MAP4: variants seen among roughly 807,000 people sequenced by gnomAD.
MAP4 encodes microtubule-associated protein 4.
A neutral mutation model predicts 170.2 loss-of-function variants in MAP4; 76 were observed. The observed-to-expected ratio is 0.45, with a 90% CI of 0.37 to 0.54. The LOEUF is 0.54. MAP4 is among the 20% of genes least tolerant of loss of function. The pLI is 0.00. For synonymous variants in MAP4, 909 were observed against 994.5 expected (o/e 0.91, Z 1.62); for missense variants, 2,506 against 2,748.0 (o/e 0.91, Z 1.97).
intron 17 of MAP4, 95 bp downstream of exon 17, chr3:47,867,151 C>T: frequency 1.2e-6 from 1 of 847,694 alleles, no homozygotes; most frequent in Non-Finnish European, 1.9e-6. Context: ...GCTCAGGTCA[C>T]TGGGATTCTA....
Position 47,852,531 on chromosome 3 carries a change from C to G in MAP4, c.*403G>C. On this transcript the variant is annotated 3_prime_UTR_variant, in exon 21 of 21. Coordinates refer to ENST00000683076, the MANE Select transcript of MAP4 (RefSeq NM_001385682.1). ...CATGTCAGTTTCTTTTGGGTTTGGACCAAAGAACCAAAAAAAGATGAGGAT... is the reference window on the plus strand; with the variant it reads ...CATGTCAGTTTCTTTTGGGTTTGGAGCAAAGAACCAAAAAAAGATGAGGAT... 2.0e-6 allele frequency: 1 copy of G among 495,248 alleles called. No individual in the cohort carries two copies. Among genetic ancestry groups the G allele is most frequent in the Non-Finnish European group, 3.5e-6 (1 of 283,076 alleles). The allele number at this position is 495,248 out of a possible 1,614,324, so 30.7% of individuals were successfully genotyped here.
At position 47,881,495 on chromosome 3, in the gene MAP4, T is replaced by TATATGCA. The variant is rs1553753057; in HGVS notation, c.5435-3973_5435-3972insTGCATAT. 5.1e-5 allele frequency among the ~76,000 whole-genome samples: 5 copies of TATATGCA among 98,276 alleles called. No individual in the cohort carries two copies. In the East Asian group the frequency reaches 1.0e-3, roughly 20 times the overall value. The allele number at this position is 98,276 out of a possible 152,430, so 64.5% of individuals were successfully genotyped here. A position where few individuals can be genotyped will look rare whatever the true frequency, so the allele number is the denominator to read the frequency against. On this transcript the variant is annotated intron_variant, in intron 10 of 20. Transcript: ENST00000683076. Reference sequence around the variant, plus strand: ...ATATATATATATATATATATATATATATGCATAATCATTATATATAGCTAC... The same window carrying TATATGCA: ...ATATATATATATATATATATATATATATATGCAATGCATAATCATTATATATAGCTAC...
chr3:47,919,346 C>T (rs1025942563), intron 5 of MAP4, among the ~76,000 whole-genome samples: 3 of 152,006 alleles, frequency 2.0e-5, no homozygotes, highest in Non-Finnish European at 4.4e-5. Context: ...CTCGCACTGT[C>T]GCCTGGGCTG....
Position 47,911,697 on chromosome 3 carries a change from G to C in MAP4, c.2724C>G (p.His908Gln). The C allele has an allele frequency of 6.5e-7, 1 of 1,536,130 alleles. No individual in the cohort carries two copies. The highest frequency in any genetic ancestry group is 8.7e-7 in the Non-Finnish European group (1 of 1,146,916). ...QHEYKPQPAP[H>Q]LKTPVDKSQS... ...GGCTTTTATCTACAGGAGTCTTCAG[G>C]TGGGGTGCAGGCTGTGGTTTGTATT... Residue 908 changes from histidine to glutamine, a missense_variant, in exon 9 of 21, where the codon CAC (histidine) becomes CAG (glutamine). Around this residue, in one of 3 missense-constraint regions of MAP4, gnomAD observed 2,008 missense variants for 2,206.0 expected, o/e 0.91. Coordinates refer to ENST00000683076, the MANE Select transcript of MAP4 (RefSeq NM_001385682.1). The surrounding 1 kb of genome is among the most constrained non-coding windows in gnomAD (Gnocchi z 4.0).
intron 3 of MAP4, among the ~76,000 whole-genome samples, chr3:47,957,636 G>A (rs1176019557): frequency 6.6e-6 from 1 of 152,156 alleles, no homozygotes; most frequent in Non-Finnish European, 1.5e-5. Flanking sequence ...TCCTGACCAA[G>A]AAAGTCATTT....
Position 47,912,098 on chromosome 3 carries a change from G to T in MAP4, c.2323C>A (p.Pro775Thr). The T allele has an allele frequency of 2.0e-6, 3 of 1,536,106 alleles. No individual in the cohort carries two copies. The East Asian group carries it at 7.3e-5, about 38-fold the overall frequency. ...PIMMKKKKKK[P>T]KQKRYSQPRA... The stretch of plus-strand genomic sequence containing the variant: ...GGTTGAGAATATCTCTTTTGCTTTG[G>T]TTTCTTCTTCTTTTTCTTCATCATT... Residue 775 changes from proline to threonine, a missense_variant, in exon 9 of 21, where the codon CCA becomes ACA. This residue lies in a region of MAP4 where 2,008 missense variants were observed against 2,206.0 expected (regional missense o/e 0.91). Coordinates refer to ENST00000683076, the MANE Select transcript of MAP4 (RefSeq NM_001385682.1).
chr3:48,075,447 C>A (rs1007785101), intron 1 of MAP4, among the ~76,000 whole-genome samples: 1 of 151,784 alleles, frequency 6.6e-6, no homozygotes, highest in East Asian at 1.9e-4. Flanking sequence ...ATTGCTTGAA[C>A]CTGGAAGGCA....
At chr3:47,953,406 C>T (rs1367403962) in intron 3 of MAP4, among the ~76,000 whole-genome samples, 2 of 152,104 alleles carry the variant, frequency 1.3e-5, no homozygotes. Flanking sequence ...CCTGTAATCC[C>T]AGCTACTCAG....
chr3:47,947,467 G>C (rs1395698271), intron 3 of MAP4, among the ~76,000 whole-genome samples: 1 of 152,042 alleles, frequency 6.6e-6, no homozygotes, highest in Non-Finnish European at 1.5e-5. Context: ...TTTCCTCTTA[G>C]TGTACAACAA....
At chr3:48,034,166 T>C (rs2100117587) in intron 1 of MAP4, among the ~76,000 whole-genome samples, 1 of 152,126 alleles carries the variant, frequency 6.6e-6, no homozygotes, top group Non-Finnish European at 1.5e-5. Context: ...AACCACAGAG[T>C]TAGGCTTATT....
In MAP4 at chr3:47,909,644, G is replaced by A; in HGVS notation, c.4777C>T (p.Leu1593=). 1 of 1,613,818 alleles carries A rather than the reference G, an allele frequency of 6.2e-7. No homozygotes were observed. The highest frequency in any genetic ancestry group is 8.5e-7 in the Non-Finnish European group (1 of 1,179,868). The change falls in exon 9 of 21, where the codon CTA becomes TTA. Residue 1593 remains leucine (L), a synonymous_variant. Coordinates refer to ENST00000683076, the MANE Select transcript of MAP4 (RefSeq NM_001385682.1). ...DQSLPGEARA[L]EGYADRGNFP... is the part of the protein sequence containing the mutation. The stretch of plus-strand genomic sequence containing the variant: ...TTACCTCTATCTGCATATCCTTCTA[G>A]GGCTCTGGCCTCTCCTGGTAGGCTC...
chr3:47,901,534 G>C (rs959739351), intron 10 of MAP4, among the ~76,000 whole-genome samples: 1 of 151,890 alleles, frequency 6.6e-6, no homozygotes, highest in East Asian at 1.9e-4. Flanking sequence ...AAATTAGCCG[G>C]GCACGGAGGC....
At chr3:48,087,745 G>GCGCA (rs1491486983) in intron 1 of MAP4, among the ~76,000 whole-genome samples, 2,989 of 105,646 alleles carry the variant, frequency 0.028, 60 homozygotes, top group Admixed American at 0.1. Context: ...ACACGCACGC[G>GCGCA]CACACACACA....
chr3:47,877,432 T>C lies in MAP4; in HGVS notation c.5526A>G (p.Pro1842=). 2 of 1,614,040 alleles carry C rather than the reference T, an allele frequency of 1.2e-6. No homozygotes were observed. Among genetic ancestry groups the C allele is most frequent in the Non-Finnish European group, 1.7e-6 (2 of 1,179,926 alleles). ...TPPNKELPPS[P]EKKTKPLATT... is the part of the protein sequence containing the mutation. ...TGGCACCTACCTTTGTTTTCTTCTC[T>C]GGGCTTGGTGGGAGCTCCTTGTTCG... is the stretch of plus-strand genomic sequence containing the variant. The change falls in exon 11 of 21, where the codon CCA becomes CCG. Residue 1842 remains proline, a synonymous_variant. Coordinates refer to ENST00000683076, the MANE Select transcript of MAP4 (RefSeq NM_001385682.1).
intron 4 of MAP4, among the ~76,000 whole-genome samples, chr3:47,927,302 C>T (rs1217639581): frequency 6.6e-6 from 1 of 151,938 alleles, no homozygotes; most frequent in African/African-American, 2.4e-5. Flanking sequence ...CGATGAGCAT[C>T]TTATAAGTTA....
intron 1 of MAP4, among the ~76,000 whole-genome samples, chr3:48,043,063 CTG>C: frequency 6.6e-6 from 1 of 152,132 alleles, no homozygotes; most frequent in Non-Finnish European, 1.5e-5. Flanking sequence ...GTGCACATGT[CTG>C]TGAATATACC....
At chr3:47,885,144 T>C (rs2097360974) in intron 10 of MAP4, among the ~76,000 whole-genome samples, 1 of 152,216 alleles carries the variant, frequency 6.6e-6, no homozygotes. Flanking sequence ...TGTTTTCTTT[T>C]TTCCTTTCCT....
intron 3 of MAP4, among the ~76,000 whole-genome samples, chr3:47,929,036 C>T (rs1425863527): frequency 6.6e-6 from 1 of 152,090 alleles, no homozygotes; most frequent in East Asian, 1.9e-4. Context: ...CTTACATAAC[C>T]TGATTTCAAA....
At chr3:47,898,211 T>G (rs1002503791) in intron 10 of MAP4, among the ~76,000 whole-genome samples, 1 of 152,042 alleles carries the variant, frequency 6.6e-6, no homozygotes, top group Non-Finnish European at 1.5e-5. Flanking sequence ...GCTTCTAGTT[T>G]CATTACACTA....
Sources: gnomAD v4.1 joint callset for allele counts (sites outside exome capture counted in the v4.1 genomes callset) on GRCh38, gnomAD v4.1.1 for gene constraint, gnomAD v4.1.1 regional missense constraint, Gnocchi (gnomAD v3.1) non-coding constraint, MANE v1.5 for transcripts, NCBI Gene and HGNC (gene_info 2026-07-23, HGNC 2026-07-21) for gene names.